The following PANK1 variants were observed in gnomAD, a reference collection of about 807,000 sequenced individuals.
The protein encoded by PANK1 is pantothenic acid kinase 1.
In PANK1, 18 loss-of-function variants were observed where a neutral mutation model predicts 40.1. That is an observed-to-expected ratio of 0.45 (90% CI 0.31 to 0.67). The LOEUF is 0.67. Ranked by LOEUF, PANK1 falls within the 30% of genes least tolerant of loss-of-function variation. The probability of loss-of-function intolerance (pLI) is 0.06; values close to 1 mark genes in which losing one functional copy is unlikely to be tolerated. For synonymous variants in PANK1, 242 were observed against 237.7 expected, an observed-to-expected ratio of 1.02 and a Z score of -0.17; for missense variants, 457 against 599.6, an observed-to-expected ratio of 0.76 and a Z score of 2.48.
chr10:89,638,281 G>A (rs1254603341), intron 1 of PANK1, among the ~76,000 whole-genome samples: 1 of 152,150 alleles, frequency 6.6e-6, no homozygotes, highest in Non-Finnish European at 1.5e-5. Flanking sequence ...CTATATGTGG[G>A]GCATGACTGT....
intron 6 of PANK1, among the ~76,000 whole-genome samples, chr10:89,585,624 C>A: frequency 6.6e-6 from 1 of 152,232 alleles, no homozygotes; most frequent in Non-Finnish European, 1.5e-5. Context: ...ATAATTGCCC[C>A]ATTTTACAAA....
At chr10:89,628,863 G>C (rs1245764683) in intron 1 of PANK1, among the ~76,000 whole-genome samples, 1 of 152,160 alleles carries the variant, frequency 6.6e-6, no homozygotes, top group East Asian at 1.9e-4. Flanking sequence ...TGTGCTCACT[G>C]TACATTGATG....
chr10:89,591,740 A>G (rs928862948), intron 5 of PANK1, among the ~76,000 whole-genome samples: 1 of 152,250 alleles, frequency 6.6e-6, no homozygotes, highest in Admixed American at 6.5e-5. Flanking sequence ...CTACATTTTC[A>G]AATTGGCACT....
intron 4 of PANK1, 29 bp downstream of exon 4, chr10:89,593,784 A>T: frequency 6.4e-7 from 1 of 1,562,400 alleles, no homozygotes; most frequent in Non-Finnish European, 8.8e-7. Context: ...GTGTTTAATC[A>T]CTACTGCTCC....
chr10:89,611,985 T>G lies in PANK1; in HGVS notation c.356A>C (p.Lys119Thr), dbSNP rs1434763421. The change falls in exon 2 of 7, where the codon AAG becomes ACG. Residue 119 changes from lysine (K) to threonine (T), a missense_variant. Around this residue, in one of 4 missense-constraint regions of PANK1, gnomAD observed 286 missense variants for 415.8 expected, o/e 0.69. Coordinates refer to ENST00000307534, the MANE Select transcript of PANK1 (RefSeq NM_148977.3). ...TLVKLVYFEPKDITAEEEQEE... is the reference protein window; with the variant it reads ...TLVKLVYFEPTDITAEEEQEE... ...TTGCTCCTCTTCGGCTGTAATATCC[T>G]TCGGCTCGAAATACACCAATTTAAC... 12 of 1,614,052 alleles carry G rather than the reference T, an allele frequency of 7.4e-6. No individual in the cohort carries two copies. Among genetic ancestry groups the G allele is most frequent in the Non-Finnish European group, 9.3e-6 (11 of 1,180,042 alleles).
rs2296615 is a variant in PANK1, at chr10:89,593,704, A to G, written c.1076+109T>C. The stretch of plus-strand genomic sequence containing the variant: ...AAGTCTGAGCTCTGATACAACAGGT[A>G]TCTGCACCAGGCTGGTGGACTGACA... On this transcript the variant is annotated intron_variant, in intron 4 of 6. Coordinates refer to ENST00000307534, the MANE Select transcript of PANK1 (RefSeq NM_148977.3). The G allele has an allele frequency of 6.8e-4, 538 of 788,954 alleles. 6 individuals carry two copies. In the East Asian group the frequency reaches 0.013, roughly 19 times the overall value. The allele number at this position is 788,954 out of a possible 1,614,324, so 48.9% of individuals were successfully genotyped here.
chr10:89,601,780 T>C lies in PANK1; in HGVS notation c.646-2275A>G, dbSNP rs546689840. On this transcript the variant is annotated intron_variant, in intron 2 of 6. Coordinates refer to ENST00000307534, the MANE Select transcript of PANK1 (RefSeq NM_148977.3). The stretch of plus-strand genomic sequence containing the variant: ...TACCAAGTGAAACTTCTGTATGAGA[T>C]GTATGTAATTATACATGTTTTAAGA... 5.9e-5 allele frequency among the ~76,000 whole-genome samples: 9 copies of C among 152,362 alleles called. No individual in the cohort carries two copies. The South Asian group carries it at 1.9e-3, about 32-fold the overall frequency.
At chr10:89,605,436 T>C (rs900297124) in intron 2 of PANK1, among the ~76,000 whole-genome samples, 13 of 152,214 alleles carry the variant, frequency 8.5e-5, no homozygotes, top group African/African-American at 3.1e-4. Flanking sequence ...TCCTTTGTTG[T>C]CATTTCAACA....
chr10:89,599,478 C>T lies in PANK1; in HGVS notation c.673G>A (p.Asp225Asn), dbSNP rs1375605033. 2 of 1,613,494 alleles carry T rather than the reference C, an allele frequency of 1.2e-6. No individual in the cohort carries two copies. The highest frequency in any genetic ancestry group is 1.3e-5 in the African/African-American group (1 of 74,888). ...MIADLQLHKL[D>N]ELDCLIQGLL... ...CCCTGAATCAGACAGTCCAGTTCATCCAGTTTATGCAGCTGCAGGTCAGCA... is the reference window on the plus strand; with the variant it reads ...CCCTGAATCAGACAGTCCAGTTCATTCAGTTTATGCAGCTGCAGGTCAGCA... The change falls in exon 3 of 7, where the codon GAT becomes AAT. Residue 225 changes from aspartate (D) to asparagine (N), a missense_variant. Coordinates refer to ENST00000307534, the MANE Select transcript of PANK1 (RefSeq NM_148977.3).
intron 1 of PANK1, among the ~76,000 whole-genome samples, chr10:89,627,247 T>G (rs539243593): frequency 8.8e-4 from 123 of 140,442 alleles, no homozygotes; most frequent in Non-Finnish European, 1.5e-3. Context: ...AAAAAAAAAA[T>G]TCCACGAAGT....
intron 5 of PANK1, chr10:89,592,825 G>A: frequency 1.9e-6 from 1 of 537,972 alleles, no homozygotes; most frequent in South Asian, 1.4e-5. Flanking sequence ...TGAAAGCAGA[G>A]AGAATATCGA....
At chr10:89,634,118 A>T (rs187295215) in intron 1 of PANK1, among the ~76,000 whole-genome samples, 21 of 152,358 alleles carry the variant, frequency 1.4e-4, no homozygotes. Flanking sequence ...TTGAGTTAGT[A>T]TAAGGAAGAA....
rs770505743 is a variant in PANK1, at chr10:89,644,679, T to TGGCTGC, written c.207_212dup (p.Gln70_Pro71dup). 1 of 1,559,750 alleles carries TGGCTGC rather than the reference T, an allele frequency of 6.4e-7. No homozygotes were observed. The highest frequency in any genetic ancestry group is 2.4e-5 in the East Asian group (1 of 41,628). On this transcript the variant is annotated inframe_insertion, in exon 1 of 7. Coordinates refer to ENST00000307534, the MANE Select transcript of PANK1 (RefSeq NM_148977.3). ...CCGGGGAGTCATGCTGAGGGAGCAGTGGCTGCGGCTGCAGCTCCGGCAGGA... is the reference window on the plus strand; with the variant it reads ...CCGGGGAGTCATGCTGAGGGAGCAGTGGCTGCGGCTGCGGCTGCAGCTCCGGCAGGA...
Position 89,616,094 on chromosome 10 carries a change from C to A in PANK1, c.293-4046G>T, listed in dbSNP as rs1845306442. On this transcript the variant is annotated intron_variant, in intron 1 of 6. Coordinates refer to ENST00000307534, the MANE Select transcript of PANK1 (RefSeq NM_148977.3). ...AACCAGATGTCATTTTAAAATATTT[C>A]TAGAGTATTCATCAACAACGTACAG... 3.3e-5 allele frequency among the ~76,000 whole-genome samples: 5 copies of A among 152,206 alleles called. No individual in the cohort carries two copies. In the South Asian group the frequency reaches 1.0e-3, roughly 31 times the overall value.
intron 2 of PANK1, among the ~76,000 whole-genome samples, chr10:89,602,251 C>A (rs909501961): frequency 6.6e-6 from 1 of 152,144 alleles, no homozygotes; most frequent in Admixed American, 6.5e-5. Context: ...AATCTACGTA[C>A]GTACTAGAAA....
At chr10:89,622,609 G>A (rs1446924180) in intron 1 of PANK1, among the ~76,000 whole-genome samples, 12 of 152,102 alleles carry the variant, frequency 7.9e-5, no homozygotes, top group African/African-American at 1.4e-4. Context: ...GCCGAGGTGG[G>A]CGGATCACGA....
intron 1 of PANK1, among the ~76,000 whole-genome samples, chr10:89,637,657 T>C (rs1295390927): frequency 1.3e-5 from 2 of 152,216 alleles, no homozygotes; most frequent in African/African-American, 4.8e-5. Context: ...TGAGTAAATG[T>C]GAAGGCCTAG....
chr10:89,644,555 G>A (rs551352895), intron 1 of PANK1, 45 bp downstream of exon 1: 4 of 1,534,056 alleles, frequency 2.6e-6, no homozygotes, highest in South Asian at 1.2e-5. Flanking sequence ...GGCCCCGCAC[G>A]CTGCGTCTGC....
chr10:89,640,176 A>G (rs1003759489), intron 1 of PANK1, among the ~76,000 whole-genome samples: 1 of 151,828 alleles, frequency 6.6e-6, no homozygotes, highest in Non-Finnish European at 1.5e-5. Flanking sequence ...GTAAAAGCAC[A>G]TACAGAACAA....
Sources: allele counts gnomAD v4.1 joint callset (sites outside exome capture counted in the v4.1 genomes callset), GRCh38; gene constraint gnomAD v4.1.1; regional missense constraint gnomAD v4.1.1; transcripts MANE v1.5; gene names NCBI Gene and HGNC (gene_info 2026-07-23, HGNC 2026-07-21).